C12orf42: variants seen among roughly 807,000 people sequenced by gnomAD.
The protein encoded by C12orf42 is chromosome 12 open reading frame 42.
In C12orf42, 25 loss-of-function variants were observed where a neutral mutation model predicts 21.6. That is an observed-to-expected ratio of 1.16 (90% CI 0.84 to 1.62). The LOEUF (loss-of-function observed/expected upper bound fraction) is 1.62, where lower values mean the gene tolerates loss of function less well. Among genes scored for constraint, C12orf42 ranks in the 40% most tolerant of loss-of-function variants. C12orf42 has a pLI of 0.00. For missense variants in C12orf42, 483 were observed against 459.3 expected (o/e 1.05, Z -0.47); for synonymous variants, 174 against 175.0 (o/e 0.99, Z 0.05).
At chr12:103,534,328 T>TA in the C12orf42 span, among the ~76,000 whole-genome samples, 21 of 152,300 alleles carry the variant, frequency 1.4e-4, no homozygotes, top group East Asian at 4.1e-3. Flanking sequence ...AATGTGGAGA[T>TA]ACATCATAAT....
the C12orf42 span, among the ~76,000 whole-genome samples, chr12:103,105,480 T>C: frequency 6.6e-6 from 1 of 151,762 alleles, no homozygotes; most frequent in African/African-American, 2.4e-5. Context: ...ATGGAAACAA[T>C]AGACACTATG....
chr12:103,353,181 T>A lies in C12orf42; in HGVS notation c.259+15706A>T, dbSNP rs56670740. Among the ~76,000 whole-genome samples, 1,959 of 151,978 alleles carry A rather than the reference T, an allele frequency of 0.013. 126 individuals carry two copies. The East Asian group carries it at 0.22, about 17-fold the overall frequency. ...GGCGCAAAACAAGACTTTTGCACACTGAGAAATGCAGAGAGCCTACCTTCC... is the reference window on the plus strand; with the variant it reads ...GGCGCAAAACAAGACTTTTGCACACAGAGAAATGCAGAGAGCCTACCTTCC... On this transcript the variant is annotated intron_variant, in intron 4 of 5. Coordinates refer to ENST00000548883, the MANE Select transcript of C12orf42 (RefSeq NM_198521.5).
intron 10 of C12orf42, among the ~76,000 whole-genome samples, chr12:103,259,836 C>T (rs535793171): frequency 3.5e-4 from 54 of 152,230 alleles, no homozygotes; most frequent in African/African-American, 1.3e-3. Context: ...CCTTGCAGTA[C>T]ATGGACTGTA....
Position 103,324,366 on chromosome 12 carries a change from TATTA to T in C12orf42, c.260-18025_260-18022del, listed in dbSNP as rs569060808. ...AAATACAATTAATTAAAATTACAGA[TATTA>T]ATTAATAACTTATTAAGTCTCCGAC... is the stretch of plus-strand genomic sequence containing the variant. On this transcript the variant is annotated intron_variant, in intron 4 of 5. Transcript: ENST00000548883. Among the ~76,000 whole-genome samples, 30 of 152,268 alleles carry T rather than the reference TATTA, an allele frequency of 2.0e-4. No individual in the cohort carries two copies. The South Asian group carries it at 6.2e-3, about 32-fold the overall frequency.
At chr12:103,496,431 G>A (rs1955548829), upstream of C12orf42, among the ~76,000 whole-genome samples, 1 of 152,198 alleles carries the variant, frequency 6.6e-6, no homozygotes, top group Admixed American at 6.5e-5. Context: ...CCAAAGTCAT[G>A]CTAGTTGGTT....
At chr12:103,054,959 A>C in the C12orf42 span, among the ~76,000 whole-genome samples, 1 of 151,818 alleles carries the variant, frequency 6.6e-6, no homozygotes, top group Non-Finnish European at 1.5e-5. Flanking sequence ...TTTATGTATT[A>C]CTACTATTTG....
intron 2 of C12orf42, among the ~76,000 whole-genome samples, chr12:103,407,830 C>A (rs2048538025): frequency 6.6e-6 from 1 of 152,170 alleles, no homozygotes. Context: ...GAATTTTGCA[C>A]CCTTTAGACA....
chr12:103,172,338 T>C, the C12orf42 span, among the ~76,000 whole-genome samples: 3 of 151,942 alleles, frequency 2.0e-5, no homozygotes, highest in Admixed American at 1.3e-4. Context: ...AGTGACAAGA[T>C]GGTGTCAGGA....
chr12:103,508,708 A>G, the C12orf42 span, among the ~76,000 whole-genome samples: 1 of 152,158 alleles, frequency 6.6e-6, no homozygotes, highest in South Asian at 2.1e-4. Context: ...CTACTCTACA[A>G]GTTCCTTTGT....
At chr12:103,425,838 T>A (rs1949764334) in intron 2 of C12orf42, among the ~76,000 whole-genome samples, 1 of 152,106 alleles carries the variant, frequency 6.6e-6, no homozygotes, top group Non-Finnish European at 1.5e-5. Context: ...CTGGCTACAG[T>A]GGCTTTGCCG....
chr12:103,171,631 T>G, the C12orf42 span, among the ~76,000 whole-genome samples: 1 of 152,054 alleles, frequency 6.6e-6, no homozygotes, highest in Admixed American at 6.6e-5. Context: ...TAAGTAAGTG[T>G]TAGAGAAGGA....
chr12:103,187,095 G>T, the C12orf42 span, among the ~76,000 whole-genome samples: 2 of 152,138 alleles, frequency 1.3e-5, no homozygotes, highest in African/African-American at 2.4e-5. Context: ...CTTAGGGTTA[G>T]CTCTGAATAC....
At chr12:103,273,480 C>A (rs1277107635) in intron 5 of C12orf42, among the ~76,000 whole-genome samples, 1 of 152,130 alleles carries the variant, frequency 6.6e-6, no homozygotes, top group Non-Finnish European at 1.5e-5. Context: ...ATCACTCCAA[C>A]TACTAGAGGA....
the C12orf42 span, among the ~76,000 whole-genome samples, chr12:103,157,006 G>A: frequency 6.6e-6 from 1 of 152,076 alleles, no homozygotes; most frequent in Non-Finnish European, 1.5e-5. Context: ...GGGATTACTG[G>A]GTCAAATGGT....
At chr12:103,339,366 C>G (rs1366552618) in intron 4 of C12orf42, among the ~76,000 whole-genome samples, 1 of 152,196 alleles carries the variant, frequency 6.6e-6, no homozygotes, top group Non-Finnish European at 1.5e-5. Context: ...CTACCCTCCA[C>G]CCTCTGAAAG....
At chr12:103,075,463 T>C in the C12orf42 span, among the ~76,000 whole-genome samples, 10 of 152,146 alleles carry the variant, frequency 6.6e-5, no homozygotes, top group Admixed American at 1.3e-4. Context: ...TTTCCAAGAG[T>C]ATTTTTACTG....
At chr12:103,269,274 G>A (rs993254150) in intron 6 of C12orf42, among the ~76,000 whole-genome samples, 5 of 152,064 alleles carry the variant, frequency 3.3e-5, no homozygotes, top group South Asian at 2.1e-4. Context: ...GGAAGGAAGC[G>A]GATGACGTAA....
chr12:103,118,340 G>C, the C12orf42 span, among the ~76,000 whole-genome samples: 2 of 152,184 alleles, frequency 1.3e-5, no homozygotes, highest in Non-Finnish European at 2.9e-5. Context: ...TTGTCTATTG[G>C]AAGGTGAGAG....
intron 4 of C12orf42, among the ~76,000 whole-genome samples, chr12:103,310,148 C>T (rs796106552): frequency 3.9e-5 from 6 of 152,150 alleles, no homozygotes; most frequent in East Asian, 3.8e-4. Context: ...AGATTTCTTA[C>T]GAATGGTTTA....
Sources: gnomAD v4.1 joint callset for allele counts (sites outside exome capture counted in the v4.1 genomes callset) on GRCh38, gnomAD v4.1.1 for gene constraint, MANE v1.5 for transcripts, NCBI Gene and HGNC (gene_info 2026-07-23, HGNC 2026-07-21) for gene names.